The following SH3YL1 variants were observed in gnomAD, a reference collection of about 807,000 sequenced individuals.
SH3YL1 encodes the protein SH3 domain-containing YSC84-like protein 1.
SH3YL1 carries 41 observed loss-of-function variants against 45.8 expected under a neutral mutation model. That is an observed-to-expected ratio of 0.89 (90% CI 0.70 to 1.16). The LOEUF is 1.16. Ranked by LOEUF, SH3YL1 falls within the 50% of genes most tolerant of loss-of-function variation. SH3YL1 has a pLI of 0.00. For synonymous variants in SH3YL1, 152 were observed against 151.4 expected, an observed-to-expected ratio of 1.00 and a Z score of -0.03; for missense variants, 389 against 409.6, an observed-to-expected ratio of 0.95 and a Z score of 0.43.
intron 1 of SH3YL1, among the ~76,000 whole-genome samples, chr2:253,939 A>T (rs1188833566): frequency 6.6e-6 from 1 of 152,158 alleles, no homozygotes; most frequent in Non-Finnish European, 1.5e-5. Flanking sequence ...TGAGAGTCAG[A>T]AACTCTAAAC....
intron 4 of SH3YL1, chr2:242,999 CATA>C: frequency 1.7e-6 from 1 of 583,212 alleles, no homozygotes; most frequent in Non-Finnish European, 2.6e-6. Flanking sequence ...TATACAAGCA[CATA>C]ATATCGGAGA....
At chr2:234,382 AGAGACAGGAAAGAACGT>A in intron 4 of SH3YL1, 110 bp from the exon 5 acceptor site, 1 of 727,008 alleles carries the variant, frequency 1.4e-6, no homozygotes, top group Non-Finnish European at 2.2e-6. Flanking sequence ...AAACATCAAT[AGAGACAGGAAAGAACGT>A]GAGACAAGAG....
chr2:227,672 A>G (rs866286033), intron 8 of SH3YL1, among the ~76,000 whole-genome samples: 2 of 152,230 alleles, frequency 1.3e-5, no homozygotes, highest in Non-Finnish European at 2.9e-5. Flanking sequence ...ATGTTTGTAC[A>G]TGCCATGTGT....
chr2:252,923 T>C (rs1175805495), intron 2 of SH3YL1, 82 bp downstream of exon 2: 1 of 803,750 alleles, frequency 1.2e-6, no homozygotes, highest in Non-Finnish European at 2.0e-6. Flanking sequence ...GGCTTCTGCC[T>C]GAAATGGAGT....
intron 1 of SH3YL1, chr2:260,473 C>A (rs1289550494): frequency 6.6e-6 from 1 of 152,194 alleles, no homozygotes; most frequent in Non-Finnish European, 1.5e-5. Flanking sequence ...TGGTCCAATA[C>A]CAGCATCTGA....
Position 224,863 on chromosome 2 carries a change from C to T in SH3YL1, c.838+1G>A, listed in dbSNP as rs374861777. 1.0e-5 allele frequency: 16 copies of T among 1,598,830 alleles called. No homozygotes were observed. The highest frequency in any genetic ancestry group is 1.7e-4 in the Middle Eastern group (1 of 5,980). On this transcript the variant is annotated splice_donor_variant, in intron 9 of 9. Coordinates refer to ENST00000356150, the MANE Select transcript of SH3YL1 (RefSeq NM_015677.4). LOFTEE classifies it high-confidence loss of function. ...TATAACATATAGATTTACTGATTTA[C>T]CAACTCTCTCATGATAGCTGGAAAG...
intron 4 of SH3YL1, chr2:241,678 C>A (rs1292559197): frequency 1.3e-5 from 2 of 151,954 alleles, no homozygotes; most frequent in African/African-American, 2.4e-5. Flanking sequence ...TAAAAGGAAC[C>A]CCAATTAGAA....
Position 218,787 on chromosome 2 carries a change from T to G in SH3YL1, c.*24A>C, listed in dbSNP as rs1667456902. The G allele has an allele frequency of 2.0e-6, 3 of 1,521,344 alleles. No homozygotes were observed. The highest frequency in any genetic ancestry group is 2.7e-6 in the Non-Finnish European group (3 of 1,128,848). 94.2% of individuals were successfully genotyped at this position (1,521,344 alleles called of 1,614,324 possible). A position where few individuals can be genotyped will look rare whatever the true frequency, so the allele number is the denominator to read the frequency against. On this transcript the variant is annotated 3_prime_UTR_variant, in exon 10 of 10. Coordinates refer to ENST00000356150, the MANE Select transcript of SH3YL1 (RefSeq NM_015677.4). ...TGTAGAAATAATTTTTTTGTAATTC[T>G]CAAAGAAGAAAATAGTATACGCTTT... is the stretch of plus-strand genomic sequence containing the variant.
intron 9 of SH3YL1, among the ~76,000 whole-genome samples, chr2:221,154 T>A (rs1667556095): frequency 6.6e-6 from 1 of 152,218 alleles, no homozygotes; most frequent in South Asian, 2.1e-4. Context: ...AGGTCAGGAA[T>A]GAAGCTTGTC....
intron 4 of SH3YL1, among the ~76,000 whole-genome samples, chr2:245,301 G>A (rs2103042140): frequency 6.6e-6 from 1 of 152,254 alleles, no homozygotes; most frequent in Non-Finnish European, 1.5e-5. Flanking sequence ...ATCTCTGTTT[G>A]AAATTGACAT....
intron 4 of SH3YL1, among the ~76,000 whole-genome samples, chr2:238,018 G>A (rs1668381368): frequency 6.6e-6 from 1 of 152,074 alleles, no homozygotes; most frequent in Non-Finnish European, 1.5e-5. Context: ...CTCTTGTGTG[G>A]TCAGCCTGCT....
chr2:249,683 G>A (rs976775398), intron 3 of SH3YL1, 48 bp downstream of exon 3: 52 of 1,355,486 alleles, frequency 3.8e-5, no homozygotes, highest in Non-Finnish European at 5.2e-5. Context: ...AAAACAGACA[G>A]AACAAAGAAT....
chr2:231,997 C>T (rs1004431936), intron 6 of SH3YL1, among the ~76,000 whole-genome samples: 3 of 151,794 alleles, frequency 2.0e-5, no homozygotes, highest in Non-Finnish European at 2.9e-5. Context: ...GTCTGCCACG[C>T]GTGGCGAATT....
chr2:264,799 C>G, upstream of SH3YL1: 1 of 743,116 alleles, frequency 1.3e-6, no homozygotes, highest in Non-Finnish European at 2.1e-6. Flanking sequence ...GGACCGCCTC[C>G]GCAGGCGCAC....
intron 4 of SH3YL1, among the ~76,000 whole-genome samples, chr2:246,892 G>A (rs1306981402): frequency 6.6e-6 from 1 of 152,160 alleles, no homozygotes; most frequent in Non-Finnish European, 1.5e-5. Flanking sequence ...ACAAAGGATA[G>A]CTTAGGAAGA....
At chr2:239,484 C>T (rs1344582763) in intron 4 of SH3YL1, 3 of 152,188 alleles carry the variant, frequency 2.0e-5, no homozygotes. Context: ...TGCGCCACAA[C>T]TTTAGCCCAG....
Position 218,779 on chromosome 2 carries a change from T to G in SH3YL1, c.*32A>C. The G allele has an allele frequency of 6.6e-7, 1 of 1,507,800 alleles. No individual in the cohort carries two copies. 93.4% of individuals were successfully genotyped at this position (1,507,800 alleles called of 1,614,324 possible). On this transcript the variant is annotated 3_prime_UTR_variant, in exon 10 of 10. Transcript: ENST00000356150. ...CCTGTCAGTGTAGAAATAATTTTTT[T>G]GTAATTCTCAAAGAAGAAAATAGTA...
At chr2:240,348 C>G (rs1209176360) in intron 4 of SH3YL1, 1 of 152,292 alleles carries the variant, frequency 6.6e-6, no homozygotes, top group Non-Finnish European at 1.5e-5. Context: ...CTTGGGCAGA[C>G]AGAGAGACAG....
At chr2:243,926 C>T (rs1668658189) in intron 4 of SH3YL1, among the ~76,000 whole-genome samples, 1 of 152,132 alleles carries the variant, frequency 6.6e-6, no homozygotes, top group African/African-American at 2.4e-5. Flanking sequence ...CTTTACCACC[C>T]AAGCACCTGT....
Sources: gnomAD v4.1 joint callset for allele counts (sites outside exome capture counted in the v4.1 genomes callset) on GRCh38, gnomAD v4.1.1 for gene constraint, MANE v1.5 for transcripts, NCBI Gene and HGNC (gene_info 2026-07-23, HGNC 2026-07-21) for gene names.